DPH6: variants seen among roughly 807,000 people sequenced by gnomAD.
DPH6 encodes diphthine--ammonia ligase.
In DPH6, 33 loss-of-function variants were observed where a neutral mutation model predicts 38.2. The ratio of observed to expected loss-of-function variants is 0.86; its 90% CI spans 0.65 to 1.15. The LOEUF (loss-of-function observed/expected upper bound fraction) is 1.15, where lower values mean the gene tolerates loss of function less well. Ranked by LOEUF, DPH6 falls within the 50% of genes most tolerant of loss-of-function variation. The pLI is 0.00. For missense variants in DPH6, 325 were observed against 320.0 expected (o/e 1.02, Z -0.12); for synonymous variants, 108 against 103.0 (o/e 1.05, Z -0.30).
At chr15:35,488,263 T>A (rs2054431133) in intron 3 of DPH6, among the ~76,000 whole-genome samples, 1 of 152,328 alleles carries the variant, frequency 6.6e-6, no homozygotes, top group Middle Eastern at 3.4e-3. Flanking sequence ...ATTACCCAGT[T>A]CCAAGCTACT....
At chr15:35,505,395 C>T (rs1476623028) in intron 3 of DPH6, among the ~76,000 whole-genome samples, 1 of 151,960 alleles carries the variant, frequency 6.6e-6, no homozygotes, top group Non-Finnish European at 1.5e-5. Context: ...GAATGCAAAG[C>T]AGCACAGAAG....
intron 3 of DPH6, among the ~76,000 whole-genome samples, chr15:35,319,716 G>T (rs960795377): frequency 2.6e-5 from 4 of 151,828 alleles, no homozygotes; most frequent in African/African-American, 9.7e-5. Flanking sequence ...CTCCAGCCTG[G>T]GTGACAGAGT....
chr15:35,194,616 C>T, the DPH6 span, among the ~76,000 whole-genome samples: 3 of 152,216 alleles, frequency 2.0e-5, no homozygotes, highest in Admixed American at 6.5e-5. Flanking sequence ...CTTCTGTAGT[C>T]GAATATTTCA....
chr15:35,450,378 A>G (rs937861992), intron 5 of DPH6, among the ~76,000 whole-genome samples: 2 of 151,718 alleles, frequency 1.3e-5, no homozygotes, highest in African/African-American at 4.8e-5. Flanking sequence ...CTACAAGCCT[A>G]AATTCCAAAC....
intron 3 of DPH6, among the ~76,000 whole-genome samples, chr15:35,262,934 C>T (rs551170210): frequency 2.0e-5 from 3 of 151,946 alleles, no homozygotes; most frequent in Non-Finnish European, 1.5e-5. Flanking sequence ...TTTGCCCTTA[C>T]AAATAATTAG....
At chr15:35,265,163 T>C (rs757029047) in intron 3 of DPH6, among the ~76,000 whole-genome samples, 27 of 151,732 alleles carry the variant, frequency 1.8e-4, no homozygotes, top group African/African-American at 6.5e-4. Context: ...ACTATAAACA[T>C]AGTAAAATAA....
intron 3 of DPH6, among the ~76,000 whole-genome samples, chr15:35,484,677 C>A (rs1053433265): frequency 6.6e-6 from 1 of 152,078 alleles, no homozygotes; most frequent in Non-Finnish European, 1.5e-5. Flanking sequence ...TTTTTTGTAA[C>A]CTAATCTCAG....
intron 3 of DPH6, among the ~76,000 whole-genome samples, chr15:35,228,293 AGTT>A (rs933769045): frequency 1.3e-4 from 20 of 152,306 alleles, no homozygotes; most frequent in Non-Finnish European, 2.8e-4. Flanking sequence ...TGTCTTGAAA[AGTT>A]GTTGTAGTCA....
At chr15:35,261,468 A>G (rs2051745832) in intron 3 of DPH6, among the ~76,000 whole-genome samples, 1 of 152,164 alleles carries the variant, frequency 6.6e-6, no homozygotes, top group South Asian at 2.1e-4. Context: ...CTTTACATAT[A>G]TGGTAGAAGT....
In DPH6 at chr15:35,247,770, T is replaced by C. The variant is rs369142280; in HGVS notation, n.201-27188A>G. ...TTTTTGGTTCTTTCAACTAGTTTCA[T>C]TGTGCTGATTTTAAAAATAGTGATA... On this transcript the variant is annotated intron_variant and non_coding_transcript_variant, in intron 3 of 3. Coordinates refer to the DPH6 transcript ENST00000560386. 8.9e-4 allele frequency among the ~76,000 whole-genome samples: 135 copies of C among 152,334 alleles called. 1 individual carries two copies. The South Asian group carries it at 0.024, about 27-fold the overall frequency.
At chr15:35,290,508 C>A (rs2051973360) in intron 3 of DPH6, among the ~76,000 whole-genome samples, 1 of 152,138 alleles carries the variant, frequency 6.6e-6, no homozygotes, top group Non-Finnish European at 1.5e-5. Flanking sequence ...TGGTTGAGGG[C>A]AAGAAGGCGA....
At chr15:35,410,753 A>C in intron 6 of DPH6, 82 bp downstream of exon 6, 1 of 1,183,530 alleles carries the variant, frequency 8.4e-7, no homozygotes, top group Non-Finnish European at 1.2e-6. Context: ...AAATAAAGTA[A>C]ATTTTTTAAT....
At chr15:35,525,493 G>GCATA (rs1329949809) in intron 3 of DPH6, among the ~76,000 whole-genome samples, 1 of 152,146 alleles carries the variant, frequency 6.6e-6, no homozygotes, top group African/African-American at 2.4e-5. Flanking sequence ...ATAGCACATA[G>GCATA]CATAGCATGT....
At chr15:35,158,108 C>T in the DPH6 span, among the ~76,000 whole-genome samples, 1 of 152,076 alleles carries the variant, frequency 6.6e-6, no homozygotes. Flanking sequence ...TGCCTAGGCT[C>T]CAGTTGTGAT....
chr15:35,207,406 T>C, the DPH6 span, among the ~76,000 whole-genome samples: 161 of 152,240 alleles, frequency 1.1e-3, no homozygotes, highest in Non-Finnish European at 1.5e-3. Flanking sequence ...TTGAATAATA[T>C]TGTGTCAGTC....
At chr15:35,194,324 T>A in the DPH6 span, among the ~76,000 whole-genome samples, 1 of 151,828 alleles carries the variant, frequency 6.6e-6, no homozygotes, top group East Asian at 1.9e-4. Context: ...AGATAATATA[T>A]GAATACAGGG....
intron 5 of DPH6, among the ~76,000 whole-genome samples, chr15:35,416,757 G>A (rs576852769): frequency 6.6e-6 from 1 of 152,026 alleles, no homozygotes; most frequent in East Asian, 1.9e-4. Context: ...AAGTCATTGG[G>A]GACCTCATGA....
chr15:35,368,831 A>T (rs1417656223), downstream of DPH6, among the ~76,000 whole-genome samples: 4 of 151,812 alleles, frequency 2.6e-5, no homozygotes. Context: ...AGCCATGTGC[A>T]GCAGCCAGTC....
At chr15:35,410,559 A>G (rs2053352758) in intron 6 of DPH6, among the ~76,000 whole-genome samples, 2 of 151,806 alleles carry the variant, frequency 1.3e-5, no homozygotes, top group Admixed American at 1.3e-4. Flanking sequence ...CACATTTTAT[A>G]TAGAATACGG....
Sources: gnomAD v4.1 joint callset for allele counts (sites outside exome capture counted in the v4.1 genomes callset) on GRCh38, gnomAD v4.1.1 for gene constraint, MANE v1.5 for transcripts, NCBI Gene and HGNC (gene_info 2026-07-23, HGNC 2026-07-21) for gene names.